RYR3: variants seen among roughly 807,000 people sequenced by gnomAD.
RYR3 encodes the protein brain ryanodine receptor-calcium release channel.
RYR3 carries 207 observed loss-of-function variants against 584.3 expected under a neutral mutation model. That is an observed-to-expected ratio of 0.35 (90% CI 0.32 to 0.40). The LOEUF (loss-of-function observed/expected upper bound fraction) is 0.40. Ranked by LOEUF, RYR3 falls within the 10% of genes least tolerant of loss-of-function variation. RYR3 has a pLI of 1.00. For synonymous variants in RYR3, 2,416 were observed against 2,248.5 expected, an observed-to-expected ratio of 1.07 and a Z score of -2.11; for missense variants, 5,616 against 6,089.2, an observed-to-expected ratio of 0.92 and a Z score of 2.59.
chr15:33,395,635 T>C (rs2596189), intron 1 of RYR3, among the ~76,000 whole-genome samples: 13,754 of 152,198 alleles, frequency 0.09, 2,081 homozygotes, highest in African/African-American at 0.31. Context: ...GTCCTTCCAC[T>C]GTGCCTGGAG....
intron 1 of RYR3, among the ~76,000 whole-genome samples, chr15:33,419,134 G>A (rs528380311): frequency 6.6e-6 from 1 of 152,166 alleles, no homozygotes; most frequent in South Asian, 2.1e-4. Flanking sequence ...AAAAGCGAGG[G>A]AATAATGAAT....
At chr15:33,467,398 G>T in intron 1 of RYR3, 1 of 704,726 alleles carries the variant, frequency 1.4e-6, no homozygotes, top group Non-Finnish European at 1.7e-6. Context: ...GTGACCCGTA[G>T]AGAAGCGGGA....
rs1349668367 is a variant in RYR3 at position 33,865,890 on chromosome 15, TTA to T, written c.*666_*667del. The T allele has an allele frequency of 1.3e-5, 2 of 152,466 alleles. No homozygotes were observed. Among genetic ancestry groups the T allele is most frequent in the African/African-American group, 4.8e-5 (2 of 41,436 alleles). The allele number at this position is 152,466 out of a possible 1,614,324, so 9.4% of individuals were successfully genotyped here. A position where few individuals can be genotyped will look rare whatever the true frequency, so the allele number is the denominator to read the frequency against. ...TACTTTATGAAACTGCACTTGAAGG[TTA>T]TTCATACAAGTTTTTTTAGTAACAG... On this transcript the variant is annotated 3_prime_UTR_variant, in exon 104 of 104. Transcript: ENST00000634891.
chr15:33,443,588 A>G (rs1395881714), intron 1 of RYR3, among the ~76,000 whole-genome samples: 1 of 152,096 alleles, frequency 6.6e-6, no homozygotes, highest in East Asian at 1.9e-4. Context: ...TTGCTTACCT[A>G]GGACAGTACA....
chr15:33,726,307 T>A, intron 45 of RYR3, 79 bp from the exon 46 acceptor site: 2 of 1,546,876 alleles, frequency 1.3e-6, no homozygotes, highest in Non-Finnish European at 8.8e-7. Flanking sequence ...GCCGTTTTAC[T>A]GCCAGAGGTT....
intron 12 of RYR3, among the ~76,000 whole-genome samples, chr15:33,570,483 C>A (rs2057968315): frequency 6.6e-6 from 1 of 151,970 alleles, no homozygotes; most frequent in Admixed American, 6.6e-5. Context: ...AATTAATGTG[C>A]CTTTATAGTA....
rs1285615752 is a variant in RYR3 at position 33,634,677 on chromosome 15, C to T, written c.3119C>T (p.Ala1040Val). 18 of 1,613,844 alleles carry T rather than the reference C, an allele frequency of 1.1e-5. No individual in the cohort carries two copies. The highest frequency in any genetic ancestry group is 1.5e-5 in the Non-Finnish European group (18 of 1,179,854). The change falls in exon 25 of 104, where the codon GCT (alanine) becomes GTT (valine). Residue 1040 changes from alanine to valine, a missense_variant. By Grantham distance (64) the Ala-to-Val change is moderately conservative. Transcript: ENST00000634891. Reference sequence around the variant, plus strand: ...TCAAACAGGGACAGCCTGCGGGAAGCTGTGCGCACTTTTGTTGGTTACGGG... The same window carrying T: ...TCAAACAGGGACAGCCTGCGGGAAGTTGTGCGCACTTTTGTTGGTTACGGG... ...KKSNRDSLRE[A>V]VRTFVGYGYN... is the part of the protein sequence containing the mutation.
intron 32 of RYR3, among the ~76,000 whole-genome samples, chr15:33,654,507 T>A (rs1349486860): frequency 1.1e-5 from 1 of 94,614 alleles, no homozygotes; most frequent in African/African-American, 3.6e-5. Context: ...TAAGACCCTG[T>A]CTTAAAAAAA....
chr15:33,685,685 A>C (rs2064957580), intron 38 of RYR3, among the ~76,000 whole-genome samples: 1 of 152,168 alleles, frequency 6.6e-6, no homozygotes, highest in Non-Finnish European at 1.5e-5. Flanking sequence ...TGACCACATA[A>C]TTGGAAATAA....
In RYR3 at chr15:33,581,613, G is replaced by A. The variant is rs1345453605; in HGVS notation, c.1543G>A (p.Glu515Lys). 6.2e-7 allele frequency: 1 copy of A among 1,613,794 alleles called. No homozygotes were observed. The highest frequency in any genetic ancestry group is 8.5e-7 in the Non-Finnish European group (1 of 1,179,702). Residue 515 changes from glutamate to lysine, a missense_variant, in exon 14 of 104, where the codon GAA (glutamate) becomes AAA (lysine). Around this residue, in one of 9 missense-constraint regions of RYR3, gnomAD observed 1,284 missense variants for 1,344.6 expected, o/e 0.95. Transcript: ENST00000634891. ...AREESGMAWK[E>K]ILNLLYKLLA... is the part of the protein sequence containing the mutation. ...GGAAGAGAGTGGCATGGCCTGGAAA[G>A]AAATTCTGAACCTCCTCTACAAATT...
At chr15:33,860,788 C>A in intron 101 of RYR3, 129 bp downstream of exon 101, 2 of 769,762 alleles carry the variant, frequency 2.6e-6, no homozygotes, top group Non-Finnish European at 4.2e-6. Flanking sequence ...GTTTTCCATG[C>A]CCTGTTCTCT....
chr15:33,319,797 T>G (rs559934102), intron 1 of RYR3, among the ~76,000 whole-genome samples: 5 of 152,198 alleles, frequency 3.3e-5, no homozygotes, highest in Non-Finnish European at 7.3e-5. Context: ...GAGAGTAGCT[T>G]GGAATAATAG....
chr15:33,329,437 A>G (rs933439298), intron 1 of RYR3, among the ~76,000 whole-genome samples: 11 of 152,204 alleles, frequency 7.2e-5, no homozygotes, highest in African/African-American at 2.7e-4. Context: ...CTTGGCTCAA[A>G]CCGATGATCT....
At chr15:33,520,281 G>C (rs538592822) in intron 3 of RYR3, among the ~76,000 whole-genome samples, 2 of 152,282 alleles carry the variant, frequency 1.3e-5, no homozygotes, top group African/African-American at 2.4e-5. Context: ...AGAAACAGTA[G>C]ATTAGAAACA....
At chr15:33,591,346 C>G (rs1415870160) in intron 16 of RYR3, among the ~76,000 whole-genome samples, 1 of 152,168 alleles carries the variant, frequency 6.6e-6, no homozygotes, top group Non-Finnish European at 1.5e-5. Flanking sequence ...ACATCTATTT[C>G]TCTTACATCT....
chr15:33,563,911 A>C (rs1328763505), intron 11 of RYR3, among the ~76,000 whole-genome samples: 2 of 152,338 alleles, frequency 1.3e-5, no homozygotes, highest in East Asian at 3.9e-4. Flanking sequence ...GAGACCACAT[A>C]ATCTGGCTTG....
chr15:33,534,430 A>T (rs1196762180), intron 5 of RYR3, among the ~76,000 whole-genome samples: 1 of 152,244 alleles, frequency 6.6e-6, no homozygotes, highest in Admixed American at 6.5e-5. Context: ...AACTGAAAAT[A>T]AATTTCTCAC....
intron 38 of RYR3, among the ~76,000 whole-genome samples, chr15:33,688,817 C>T (rs2065202232): frequency 6.6e-6 from 1 of 152,084 alleles, no homozygotes; most frequent in Admixed American, 6.6e-5. Flanking sequence ...GACAGTGTGG[C>T]AATTCCTCAA....
intron 18 of RYR3, among the ~76,000 whole-genome samples, chr15:33,603,911 G>T (rs1175685240): frequency 6.6e-6 from 1 of 152,146 alleles, no homozygotes; most frequent in Admixed American, 6.5e-5. Flanking sequence ...CACACAATAG[G>T]TGCTAACCTT....
Sources: allele counts gnomAD v4.1 joint callset (sites outside exome capture counted in the v4.1 genomes callset), GRCh38; gene constraint gnomAD v4.1.1; regional missense constraint gnomAD v4.1.1; transcripts MANE v1.5; gene names NCBI Gene and HGNC (gene_info 2026-07-23, HGNC 2026-07-21).